THBS3: variants seen among roughly 807,000 people sequenced by gnomAD.
The protein encoded by THBS3 is thrombospondin 3.
THBS3 carries 78 observed loss-of-function variants against 118.3 expected under a neutral mutation model. The observed-to-expected ratio is 0.66, with a 90% CI of 0.55 to 0.80. THBS3 has a LOEUF of 0.80. Among genes scored for constraint, THBS3 ranks in the 30% least tolerant of loss-of-function variants. THBS3 has a pLI of 0.00. For missense variants in THBS3, 1,057 were observed against 1,247.4 expected, an observed-to-expected ratio of 0.85 and a Z score of 2.30; for synonymous variants, 427 against 475.3, an observed-to-expected ratio of 0.90 and a Z score of 1.32.
chr1:155,202,743 C>T lies in THBS3; in HGVS notation c.957+69G>A, dbSNP rs1019924202. On this transcript the variant is annotated intron_variant, in intron 8 of 22. Transcript: ENST00000368378. This position sits in a 1 kb window ranked among gnomAD's most constrained non-coding sequence, Gnocchi z 5.5. ...CTCCTCCGGACCAGCATTTATCCCACCCTCTTGGGTGCCTCCTGACATCCT... is the reference window on the plus strand; with the variant it reads ...CTCCTCCGGACCAGCATTTATCCCATCCTCTTGGGTGCCTCCTGACATCCT... 6.5e-7 allele frequency: 1 copy of T among 1,544,026 alleles called. No individual in the cohort carries two copies. The highest frequency in any genetic ancestry group is 1.4e-5 in the African/African-American group (1 of 72,896).
chr1:155,195,945 C>T (rs1338324563), intron 22 of THBS3, 42 bp downstream of exon 22: 2 of 1,614,194 alleles, frequency 1.2e-6, no homozygotes, highest in African/African-American at 1.3e-5. Flanking sequence ...GGCTCTCCCA[C>T]AAGGCATGAA....
In THBS3 at chr1:155,200,102, C is replaced by A; in HGVS notation, c.1720G>T (p.Gly574Ter). Residue 574 changes from glycine to a stop codon, truncating the protein, a stop_gained, in exon 15 of 23, where the codon GGA (glycine) becomes TGA (stop). Transcript: ENST00000368378. LOFTEE classifies it high-confidence loss of function. ...GGGACTTTAGGGCAATTGTCCAATC[C>A]ATTGGGGATGCCTAGAAGACATGGG... ...NDVDGDGIPN[G>*]LDNCPKVPNP... The A allele has an allele frequency of 6.4e-7, 1 of 1,571,300 alleles. No homozygotes were observed. The highest frequency in any genetic ancestry group is 8.6e-7 in the Non-Finnish European group (1 of 1,158,002).
chr1:155,208,083 G>A (rs888865948), upstream of THBS3: 14 of 583,016 alleles, frequency 2.4e-5, no homozygotes, highest in Non-Finnish European at 4.0e-5. Context: ...GAATCCTGGA[G>A]GCCTCCCTGC....
At position 155,206,140 on chromosome 1, in the gene THBS3, G is replaced by A; in HGVS notation, c.286+60C>T. On this transcript the variant is annotated intron_variant, in intron 2 of 22. Coordinates refer to ENST00000368378, the MANE Select transcript of THBS3 (RefSeq NM_007112.5). The surrounding 1 kb of genome is among the most constrained non-coding windows in gnomAD (Gnocchi z 4.2). ...GAATGAGGAAGCACTTGGGAAGTAGGGATGAGGGAGAGTGCTTAAGGAGGT... is the reference window on the plus strand; with the variant it reads ...GAATGAGGAAGCACTTGGGAAGTAGAGATGAGGGAGAGTGCTTAAGGAGGT... 6.3e-7 allele frequency: 1 copy of A among 1,578,246 alleles called. No homozygotes were observed. The highest frequency in any genetic ancestry group is 8.7e-7 in the Non-Finnish European group (1 of 1,152,624).
intron 1 of THBS3, 118 bp downstream of exon 1, chr1:155,207,680 T>A (rs745866297): frequency 1.4e-5 from 16 of 1,104,948 alleles, no homozygotes; most frequent in Non-Finnish European, 2.1e-5. Context: ...TAAGTTTTCC[T>A]CTGGCTCAAT....
rs1363329861 is a variant in THBS3 at position 155,206,433 on chromosome 1, A to G, written c.80-27T>C. ...TGGTCAGGCAGGGGTTATCAAGGTT[A>G]GAGAATGGGATCAAATGCTAAGGTA... On this transcript the variant is annotated intron_variant, in intron 1 of 22. Transcript: ENST00000368378. The surrounding 1 kb of genome is among the most constrained non-coding windows in gnomAD (Gnocchi z 4.2). 1 of 1,607,584 alleles carries G rather than the reference A, an allele frequency of 6.2e-7. No homozygotes were observed. The highest frequency in any genetic ancestry group is 8.5e-7 in the Non-Finnish European group (1 of 1,175,208).
At chr1:155,198,353 C>T in intron 17 of THBS3, 56 bp downstream of exon 17, 2 of 1,592,370 alleles carry the variant, frequency 1.3e-6, no homozygotes, top group Non-Finnish European at 1.7e-6. Flanking sequence ...GGGCTTGCTG[C>T]CTCCACCTGG....
chr1:155,201,636 C>T, intron 10 of THBS3, 67 bp from the exon 11 acceptor site: 1 of 1,540,186 alleles, frequency 6.5e-7, no homozygotes, highest in Non-Finnish European at 8.9e-7. Context: ...ACCAGCACTG[C>T]TCCACCTGCG....
intron 4 of THBS3, among the ~76,000 whole-genome samples, chr1:155,204,491 G>A (rs1670261199): frequency 6.6e-6 from 1 of 151,764 alleles, no homozygotes. Context: ...TTGGGAGGCT[G>A]AGGCAGGAGA....
rs1668855822 is a variant in THBS3 at position 155,197,411 on chromosome 1, A to G, written c.2499+52T>C. On this transcript the variant is annotated intron_variant, in intron 20 of 22. Coordinates refer to ENST00000368378, the MANE Select transcript of THBS3 (RefSeq NM_007112.5). This position sits in a 1 kb window ranked among gnomAD's most constrained non-coding sequence, Gnocchi z 5.0. ...AGTGGGGGAGGCCCTGGGGCTGCAG[A>G]GGAGAGCTTTGGGAAAGGGCCCTGG... 3 of 1,590,528 alleles carry G rather than the reference A, an allele frequency of 1.9e-6. No individual in the cohort carries two copies. Among genetic ancestry groups the G allele is most frequent in the Admixed American group, 1.7e-5 (1 of 59,554 alleles).
chr1:155,199,295 AGCTACT>A (rs1367302795), intron 16 of THBS3, among the ~76,000 whole-genome samples: 1 of 151,934 alleles, frequency 6.6e-6, no homozygotes, highest in Admixed American at 6.6e-5. Flanking sequence ...CTGTAGTCCC[AGCTACT>A]TGGGAGGCTG....
In THBS3 at chr1:155,204,864, G is replaced by A. The variant is rs189907152; in HGVS notation, c.637C>T (p.His213Tyr). 3.1e-6 allele frequency: 5 copies of A among 1,613,868 alleles called. No individual in the cohort carries two copies. The East Asian group carries it at 1.1e-4, about 36-fold the overall frequency. The change falls in exon 4 of 23, where the codon CAC becomes TAC. Residue 213 changes from histidine (H) to tyrosine (Y), a missense_variant. Around this residue, in one of 3 missense-constraint regions of THBS3, gnomAD observed 544 missense variants for 715.6 expected, o/e 0.76. Transcript: ENST00000368378. ...ECPFQGDESI[H>Y]SAVTNALHSI... is the part of the protein sequence containing the mutation. The stretch of plus-strand genomic sequence containing the variant: ...CAAGTCTCTGTGTTACCTGCACTGT[G>A]GATGGACTCGTCCCCTTGGAATGGA...
rs1361377100 is a variant in THBS3, at chr1:155,201,451, CAGTG to C, written c.1291_1294del (p.His431ValfsTer54). The C allele has an allele frequency of 5.0e-6, 8 of 1,612,254 alleles. No individual in the cohort carries two copies. The highest frequency in any genetic ancestry group is 2.7e-5 in the African/African-American group (2 of 74,904). ...CACTGCACCATTGCGTTCAAAGAGA[CAGTG>C]AGCATGGATGTGGCAGGGGCTGTGG... On this transcript the variant is annotated frameshift_variant, in exon 11 of 23. Coordinates refer to ENST00000368378, the MANE Select transcript of THBS3 (RefSeq NM_007112.5). LOFTEE classifies it high-confidence loss of function.
chr1:155,197,997 T>C lies in THBS3; in HGVS notation c.2253+45A>G. ...ATCCCTCCCAGGCCCCCCGTCCCAG[T>C]AGCCCTGTCTGATAGCACCTGCCCA... On this transcript the variant is annotated intron_variant, in intron 18 of 22. Transcript: ENST00000368378. This position sits in a 1 kb window ranked among gnomAD's most constrained non-coding sequence, Gnocchi z 5.0. 2 of 1,614,068 alleles carry C rather than the reference T, an allele frequency of 1.2e-6. No individual in the cohort carries two copies. The highest frequency in any genetic ancestry group is 1.7e-6 in the Non-Finnish European group (2 of 1,179,940).
rs757860504 is a variant in THBS3, at chr1:155,197,643, A to G, written c.2319T>C (p.Asn773=). 2 of 569,578 alleles carry G rather than the reference A, an allele frequency of 3.5e-6. No homozygotes were observed. Among genetic ancestry groups the G allele is most frequent in the South Asian group, 2.8e-5 (2 of 71,666 alleles). The allele number at this position is 569,578 out of a possible 1,614,324, so 35.3% of individuals were successfully genotyped here. The part of the protein sequence containing the change: ...PGLAVGYTAF[N]GVDFEGTFHV... ...GGAAGGTGCCTTCAAAGTCCACACC[A>G]TTGAAGGCCGTGTATCCTGGGGTGG... Residue 773 remains asparagine, a synonymous_variant, in exon 20 of 23, where the codon AAT becomes AAC. Transcript: ENST00000368378. This position sits in a 1 kb window ranked among gnomAD's most constrained non-coding sequence, Gnocchi z 5.0.
Position 155,201,496 on chromosome 1 carries a change from G to T in THBS3, c.1250C>A (p.Thr417Asn), listed in dbSNP as rs772044073. 6.2e-7 allele frequency: 1 copy of T among 1,613,794 alleles called. No homozygotes were observed. Among genetic ancestry groups the T allele is most frequent in the South Asian group, 1.1e-5 (1 of 91,056 alleles). ...NQSQGCLPAR[T>N]CHSPAHSPCH... Reference sequence around the variant, plus strand: ...GGGGCTGTGGGCTGGGCTGTGGCAGGTCCGGGCTGGGAGGCAGCCCTGGCT... The same window carrying T: ...GGGGCTGTGGGCTGGGCTGTGGCAGTTCCGGGCTGGGAGGCAGCCCTGGCT... Residue 417 changes from threonine (T) to asparagine (N), a missense_variant, in exon 11 of 23, where the codon ACC (threonine) becomes AAC (asparagine). Physicochemically the swap from Thr to Asn is moderately conservative, Grantham distance 65. This residue lies in a region of THBS3 where 544 missense variants were observed against 715.6 expected (regional missense o/e 0.76). Coordinates refer to ENST00000368378, the MANE Select transcript of THBS3 (RefSeq NM_007112.5).
chr1:155,196,217 C>T, intron 21 of THBS3, 91 bp from the exon 22 acceptor site: 3 of 1,474,482 alleles, frequency 2.0e-6, no homozygotes, highest in Admixed American at 1.9e-5. Context: ...TTTTCCCCAG[C>T]CCCCCTTGAG....
chr1:155,202,381 A>G lies in THBS3; in HGVS notation c.978T>C (p.Cys326=). The G allele has an allele frequency of 6.2e-7, 1 of 1,613,948 alleles. No homozygotes were observed. Among genetic ancestry groups the G allele is most frequent in the South Asian group, 1.1e-5 (1 of 91,076 alleles). ...DINECAHADP[C]FPGSSCINTM... ...TGTTGATGCAGCTGGAGCCCGGGAA[A>G]CAGGGGTCAGCGTGAGCACACTGGG... Residue 326 remains cysteine, a synonymous_variant, in exon 9 of 23, where the codon TGT becomes TGC. Transcript: ENST00000368378. This position sits in a 1 kb window ranked among gnomAD's most constrained non-coding sequence, Gnocchi z 5.5.
Position 155,202,554 on chromosome 1 carries a change from G to T in THBS3, c.958-153C>A. The T allele has an allele frequency of 8.2e-7, 1 of 1,218,574 alleles. No homozygotes were observed. 75.5% of individuals were successfully genotyped at this position (1,218,574 alleles called of 1,614,324 possible). ...TCCTGGTCCCCACCCCACTTCCCTC[G>T]GGGTTCCCTCTCTCCCTCCCCATGC... On this transcript the variant is annotated intron_variant, in intron 8 of 22. Coordinates refer to ENST00000368378, the MANE Select transcript of THBS3 (RefSeq NM_007112.5). This position sits in a 1 kb window ranked among gnomAD's most constrained non-coding sequence, Gnocchi z 5.5.
Sources: allele counts gnomAD v4.1 joint callset (sites outside exome capture counted in the v4.1 genomes callset), GRCh38; gene constraint gnomAD v4.1.1; regional missense constraint gnomAD v4.1.1; non-coding constraint Gnocchi (gnomAD v3.1); transcripts MANE v1.5; gene names NCBI Gene and HGNC (gene_info 2026-07-23, HGNC 2026-07-21).